Variants in RTL4 observed in about 807,000 individuals in gnomAD.
RTL4 encodes the protein retrotransposon Gag-like protein 4.
RTL4 carries 4 observed loss-of-function variants against 5.3 expected under a neutral mutation model. That is an observed-to-expected ratio of 0.75 (90% CI 0.37 to 1.72). The LOEUF (loss-of-function observed/expected upper bound fraction) is 1.72. Ranked by LOEUF, RTL4 falls within the 40% of genes most tolerant of loss-of-function variation. The pLI is 0.04. For synonymous variants in RTL4, 98 were observed against 87.3 expected (o/e 1.12, Z -0.68); for missense variants, 260 against 227.1 (o/e 1.14, Z -0.93).
the RTL4 span, among the ~76,000 whole-genome samples, chrX:112,331,227 A>G: frequency 9.3e-6 from 1 of 107,046 alleles, no homozygotes; most frequent in East Asian, 2.9e-4. Context: ...GGCAACCTAC[A>G]AAATGGGAGA....
chrX:112,178,153 C>T, the RTL4 span, among the ~76,000 whole-genome samples: 1 of 111,160 alleles, frequency 9.0e-6, no homozygotes, highest in African/African-American at 3.3e-5. Flanking sequence ...GGCAGTACTC[C>T]CCTTTTGATG....
At chrX:112,263,200 T>TAAAAA in the RTL4 span, among the ~76,000 whole-genome samples, 1 of 86,559 alleles carries the variant, frequency 1.2e-5, no homozygotes. Context: ...ACTTAAAGTA[T>TAAAAA]AAAAAAAAAA....
chrX:112,094,826 T>A, the RTL4 span, among the ~76,000 whole-genome samples: 2 of 111,188 alleles, frequency 1.8e-5, no homozygotes, highest in Non-Finnish European at 3.8e-5. Flanking sequence ...AACACAATGG[T>A]GATTGATTCC....
the RTL4 span, among the ~76,000 whole-genome samples, chrX:112,378,612 T>C: frequency 1.8e-5 from 2 of 111,665 alleles, no homozygotes; most frequent in Non-Finnish European, 3.8e-5. Context: ...CCAAAAATAA[T>C]CTGACATTTA....
the RTL4 span, among the ~76,000 whole-genome samples, chrX:112,181,764 C>A: frequency 8.9e-6 from 1 of 111,883 alleles, no homozygotes. Context: ...CTTCAGCAGA[C>A]TTAAAAGTTC....
At chrX:112,420,657 G>A in the RTL4 span, among the ~76,000 whole-genome samples, 2 of 112,001 alleles carry the variant, frequency 1.8e-5, no homozygotes, top group Middle Eastern at 4.6e-3. Flanking sequence ...ACTTAAAGCA[G>A]GTAGCACATT....
exon 1 of RTL4, chrX:112,454,634 C>T: frequency 1.2e-6 from 1 of 860,151 alleles, no homozygotes; most frequent in Admixed American, 3.1e-5. Context: ...GCTCATGACA[C>T]TCCGTCTCTG....
At chrX:112,360,454 C>T in the RTL4 span, among the ~76,000 whole-genome samples, 2 of 111,229 alleles carry the variant, frequency 1.8e-5, no homozygotes, top group Non-Finnish European at 3.8e-5. Context: ...GCAACACAGA[C>T]TCCAGTTAAC....
the RTL4 span, among the ~76,000 whole-genome samples, chrX:112,176,051 G>A: frequency 1.3e-4 from 14 of 110,596 alleles, no homozygotes; most frequent in African/African-American, 4.3e-4. Context: ...CAAAATCAAT[G>A]TACAAAAATC....
chrX:112,295,234 G>A, the RTL4 span, among the ~76,000 whole-genome samples: 1 of 111,131 alleles, frequency 9.0e-6, no homozygotes, highest in Admixed American at 9.6e-5. Context: ...GTAAGAGCTG[G>A]TATTTTTTTT....
the RTL4 span, among the ~76,000 whole-genome samples, chrX:112,182,018 C>T: frequency 3.6e-5 from 4 of 111,551 alleles, no homozygotes; most frequent in Non-Finnish European, 5.6e-5. Context: ...CTAGAGACCC[C>T]GCTGGTGATA....
chrX:112,204,770 G>A, the RTL4 span, among the ~76,000 whole-genome samples: 1 of 111,241 alleles, frequency 9.0e-6, no homozygotes, highest in East Asian at 2.8e-4. Flanking sequence ...AGTGACTGTA[G>A]TAAATAATAA....
chrX:112,203,258 G>C, the RTL4 span, among the ~76,000 whole-genome samples: 2 of 111,299 alleles, frequency 1.8e-5, no homozygotes, highest in East Asian at 2.8e-4. Context: ...TAATTTTGAT[G>C]GAGTCCAGTT....
chrX:112,293,879 G>A, the RTL4 span, among the ~76,000 whole-genome samples: 1 of 111,689 alleles, frequency 9.0e-6, no homozygotes, highest in African/African-American at 3.3e-5. Context: ...GAGTTTTCAT[G>A]TTCCAAAGTA....
At chrX:112,331,571 T>A in the RTL4 span, among the ~76,000 whole-genome samples, 1 of 105,584 alleles carries the variant, frequency 9.5e-6, no homozygotes, top group Non-Finnish European at 2.0e-5. Flanking sequence ...GACTGTAAAC[T>A]AGTTCAACCA....
the RTL4 span, among the ~76,000 whole-genome samples, chrX:112,357,899 A>T: frequency 8.9e-6 from 1 of 111,821 alleles, no homozygotes; most frequent in Non-Finnish European, 1.9e-5. Context: ...CAGAAAGAAT[A>T]TAAGGCAAGT....
the RTL4 span, among the ~76,000 whole-genome samples, chrX:112,138,895 A>G: frequency 6.3e-5 from 7 of 111,673 alleles, no homozygotes; most frequent in African/African-American, 1.3e-4. Flanking sequence ...ACATTGGTAC[A>G]ATACTATTAA....
At chrX:112,211,564 G>T in the RTL4 span, among the ~76,000 whole-genome samples, 1 of 112,326 alleles carries the variant, frequency 8.9e-6, no homozygotes, top group Non-Finnish European at 1.9e-5. Flanking sequence ...GCTTTGCACA[G>T]CACAGGGAGC....
At chrX:112,170,186 G>A in the RTL4 span, among the ~76,000 whole-genome samples, 4 of 112,098 alleles carry the variant, frequency 3.6e-5, no homozygotes, top group Non-Finnish European at 7.5e-5. Flanking sequence ...TTGAAGTCAG[G>A]TAGCATGATG....
Sources: gnomAD v4.1 joint callset for allele counts (sites outside exome capture counted in the v4.1 genomes callset) on GRCh38, gnomAD v4.1.1 for gene constraint, MANE v1.5 for transcripts, NCBI Gene and HGNC (gene_info 2026-07-23, HGNC 2026-07-21) for gene names.